The following ZNF221 variants were observed in gnomAD, a reference collection of about 807,000 sequenced individuals.
ZNF221 encodes the protein zinc finger protein 221.
In ZNF221, 10 loss-of-function variants were observed where a neutral mutation model predicts 12.6. The ratio of observed to expected loss-of-function variants is 0.79; its 90% CI spans 0.49 to 1.34. ZNF221 has a LOEUF of 1.34. Among genes scored for constraint, ZNF221 ranks in the 40% most tolerant of loss-of-function variants. ZNF221 has a pLI of 0.00. For missense variants in ZNF221, 661 were observed against 721.4 expected (o/e 0.92, Z 0.96); for synonymous variants, 232 against 244.0 (o/e 0.95, Z 0.46).
Position 43,967,340 on chromosome 19 carries a change from G to A in ZNF221, c.1838G>A (p.Gly613Glu). 1.2e-6 allele frequency: 2 copies of A among 1,611,034 alleles called. No homozygotes were observed. The highest frequency in any genetic ancestry group is 1.7e-6 in the Non-Finnish European group (2 of 1,178,600). ...TASFTSVSLC[G>E]RKAI Reference sequence around the variant, plus strand: ...TCATTTACATCAGTAAGTCTATGTGGGAGAAAAGCCATATAAATGTGAGAA... The same window carrying A: ...TCATTTACATCAGTAAGTCTATGTGAGAGAAAAGCCATATAAATGTGAGAA... Residue 613 changes from glycine to glutamate, a missense_variant, in exon 5 of 5, where the codon GGG becomes GAG. Physicochemically the swap from Gly to Glu is moderately conservative, Grantham distance 98. Transcript: ENST00000587682.
At chr19:43,979,020 A>G in the ZNF221 span, among the ~76,000 whole-genome samples, 1 of 151,592 alleles carries the variant, frequency 6.6e-6, no homozygotes. Context: ...TATAGTAAAA[A>G]TACACTCATT....
At chr19:43,959,587 G>A (rs429611) in intron 1 of ZNF221, among the ~76,000 whole-genome samples, 53,439 of 151,902 alleles carry the variant, frequency 0.35, 9,581 homozygotes, top group Middle Eastern at 0.45. Flanking sequence ...GTGAGATCTG[G>A]TTGTTTAAAA....
At chr19:43,970,123 C>T (rs437058), downstream of ZNF221, among the ~76,000 whole-genome samples, 117,682 of 151,910 alleles carry the variant, frequency 0.77, 46,667 homozygotes, top group Middle Eastern at 0.89. Flanking sequence ...ACGGGAAAAA[C>T]GGAGGCAACT....
rs1423366617 is a variant in ZNF221 at position 43,965,891 on chromosome 19, CA to C, written c.391del (p.Ser131ValfsTer3). ...WSCQQIWEQI[A>X]SDLTRSQNSI... ...TGTCAGCAAATATGGGAACAAATTG[CA>C]AGTGACCTAACCAGGTCTCAAAACT... On this transcript the variant is annotated frameshift_variant, in exon 5 of 5. Transcript: ENST00000587682. LOFTEE classifies it low-confidence loss of function (END_TRUNC). 1 of 1,614,140 alleles carries C rather than the reference CA, an allele frequency of 6.2e-7. No homozygotes were observed. Among genetic ancestry groups the C allele is most frequent in the Non-Finnish European group, 8.5e-7 (1 of 1,179,996 alleles).
chr19:43,959,469 T>G (rs1209527358), intron 1 of ZNF221, among the ~76,000 whole-genome samples: 1 of 152,208 alleles, frequency 6.6e-6, no homozygotes. Flanking sequence ...ATCTCCAGTG[T>G]TGGAGGTGGG....
intron 1 of ZNF221, chr19:43,962,052 T>A (rs8099924): frequency 0.47 from 71,294 of 152,242 alleles, 17,049 homozygotes; most frequent in South Asian, 0.55. Context: ...CTGTAAAGAT[T>A]AGCTTCCACT....
intron 1 of ZNF221, among the ~76,000 whole-genome samples, chr19:43,953,944 T>C (rs1035324180): frequency 2.6e-5 from 4 of 152,010 alleles, no homozygotes; most frequent in African/African-American, 9.7e-5. Flanking sequence ...TAGCCAGGTA[T>C]GGTGGCACAT....
rs1974989925 is a variant in ZNF221, at chr19:43,967,193, G to A, written c.1691G>A (p.Cys564Tyr). The A allele has an allele frequency of 2.5e-6, 4 of 1,594,300 alleles. No homozygotes were observed. Among genetic ancestry groups the A allele is most frequent in the Non-Finnish European group, 3.4e-6 (4 of 1,167,582 alleles). The change falls in exon 5 of 5, where the codon TGT becomes TAT. Residue 564 changes from cysteine to tyrosine, a missense_variant. Cys to Tyr is a radical substitution (Grantham distance 194, BLOSUM62 -2). Coordinates refer to ENST00000587682, the MANE Select transcript of ZNF221 (RefSeq NM_001297588.2). ...RVHGGERPYN[C>Y]KECGKSFGWA... ...CACGGGGGAGAGCGACCCTATAATTGTAAGGAATGTGGAAAGAGCTTTGGC... is the reference window on the plus strand; with the variant it reads ...CACGGGGGAGAGCGACCCTATAATTATAAGGAATGTGGAAAGAGCTTTGGC...
chr19:43,962,228 C>A lies in ZNF221; in HGVS notation c.-2-497C>A, dbSNP rs193061895. ...CATTTCAGTCGTACGATTTAATAATCTTCAGGAACTTTGAACAGTGGTGTG... is the reference window on the plus strand; with the variant it reads ...CATTTCAGTCGTACGATTTAATAATATTCAGGAACTTTGAACAGTGGTGTG... On this transcript the variant is annotated intron_variant, in intron 1 of 4. Coordinates refer to ENST00000587682, the MANE Select transcript of ZNF221 (RefSeq NM_001297588.2). Among the ~76,000 whole-genome samples the A allele has an allele frequency of 2.0e-3, 300 of 152,228 alleles. 4 individuals are homozygous for A. The highest frequency in any genetic ancestry group is 7.0e-3 in the African/African-American group (292 of 41,510).
rs767782457 is a variant in ZNF221, at chr19:43,966,248, C to A, written c.746C>A (p.Thr249Asn). ...SHLQTHQRVH[T>N]GEKPFKCGQC... ...CTGCAAACTCATCAGAGAGTCCATACTGGAGAGAAACCATTCAAATGTGGG... is the reference window on the plus strand; with the variant it reads ...CTGCAAACTCATCAGAGAGTCCATAATGGAGAGAAACCATTCAAATGTGGG... Residue 249 changes from threonine (T) to asparagine (N), a missense_variant, in exon 5 of 5, where the codon ACT becomes AAT. By Grantham distance (65) the Thr-to-Asn change is moderately conservative. Coordinates refer to ENST00000587682, the MANE Select transcript of ZNF221 (RefSeq NM_001297588.2). 1 of 1,614,098 alleles carries A rather than the reference C, an allele frequency of 6.2e-7. No individual in the cohort carries two copies. Among genetic ancestry groups the A allele is most frequent in the Non-Finnish European group, 8.5e-7 (1 of 1,180,044 alleles).
chr19:43,972,167 T>C (rs560859915), downstream of ZNF221, among the ~76,000 whole-genome samples: 12 of 152,308 alleles, frequency 7.9e-5, no homozygotes, highest in East Asian at 2.3e-3. Flanking sequence ...AATAACCTGC[T>C]TGTGAATGAC....
downstream of ZNF221, among the ~76,000 whole-genome samples, chr19:43,971,266 A>G (rs1353942675): frequency 1.3e-5 from 2 of 152,160 alleles, no homozygotes; most frequent in African/African-American, 4.8e-5. Flanking sequence ...AGCACTAAAT[A>G]TGGAAAGAAA....
Position 43,965,854 on chromosome 19 carries a change from G to A in ZNF221, c.352G>A (p.Glu118Lys). The change falls in exon 5 of 5, where the codon GAA (glutamate) becomes AAA (lysine). Residue 118 changes from glutamate (E) to lysine (K), a missense_variant. Glu to Lys is a moderately conservative substitution (Grantham distance 56, BLOSUM62 1). Transcript: ENST00000587682. ...METVPEAGPH[E>K]EWSCQQIWEQ... ...GACTGTTCCAGAAGCAGGACCACAT[G>A]AAGAGTGGTCCTGTCAGCAAATATG... The A allele has an allele frequency of 6.2e-7, 1 of 1,613,180 alleles. No individual in the cohort carries two copies. Among genetic ancestry groups the A allele is most frequent in the Admixed American group, 1.7e-5 (1 of 59,958 alleles).
Position 43,965,144 on chromosome 19 carries a change from T to A in ZNF221, c.208+68T>A, listed in dbSNP as rs1974916107. 10 of 1,602,854 alleles carry A rather than the reference T, an allele frequency of 6.2e-6. No individual in the cohort carries two copies. In the East Asian group the frequency reaches 2.2e-4, roughly 36 times the overall value. ...AATGGCTTTGTATTCCAAGTTTGAG[T>A]ATGCATTGGGAACCTAAATTTCCAG... On this transcript the variant is annotated intron_variant, in intron 3 of 4. Coordinates refer to ENST00000587682, the MANE Select transcript of ZNF221 (RefSeq NM_001297588.2).
At chr19:43,953,778 A>C (rs747819696) in intron 1 of ZNF221, among the ~76,000 whole-genome samples, 24 of 152,182 alleles carry the variant, frequency 1.6e-4, no homozygotes, top group Non-Finnish European at 2.6e-4. Flanking sequence ...AGATCCTCTT[A>C]CATAAAAAGG....
Position 43,966,965 on chromosome 19 carries a change from G to T in ZNF221, c.1463G>T (p.Gly488Val), listed in dbSNP as rs770488768. ...TGTAAGGAATGTGGCAAGAGCTTTG[G>T]CTGGGCCTCCTGTCTTTTGAAACAT... Reference protein sequence around the residue: ...YNCKECGKSFGWASCLLKHQR... With the variant: ...YNCKECGKSFVWASCLLKHQR... The change falls in exon 5 of 5, where the codon GGC becomes GTC. Residue 488 changes from glycine (G) to valine (V), a missense_variant. Transcript: ENST00000587682. 6.2e-7 allele frequency: 1 copy of T among 1,614,162 alleles called. No individual in the cohort carries two copies. Among genetic ancestry groups the T allele is most frequent in the South Asian group, 1.1e-5 (1 of 91,076 alleles).
At chr19:43,952,017 G>T (rs1470059491) in intron 1 of ZNF221, among the ~76,000 whole-genome samples, 1 of 151,328 alleles carries the variant, frequency 6.6e-6, no homozygotes, top group African/African-American at 2.4e-5. Flanking sequence ...GGGACTACAG[G>T]CGCCCGCTAC....
At position 43,965,112 on chromosome 19, in the gene ZNF221, C is replaced by T. The variant is rs201754000; in HGVS notation, c.208+36C>T. ...GCACCCTCTGTAACAGAATGTTAGG[C>T]CCCAGGAATGGCTTTGTATTCCAAG... On this transcript the variant is annotated intron_variant, in intron 3 of 4. Coordinates refer to ENST00000587682, the MANE Select transcript of ZNF221 (RefSeq NM_001297588.2). 3.9e-4 allele frequency: 633 copies of T among 1,608,572 alleles called. 1 individual carries two copies. Among genetic ancestry groups the T allele is most frequent in the Non-Finnish European group, 4.9e-4 (579 of 1,176,794 alleles).
rs917622771 is a variant in ZNF221, at chr19:43,967,612, G to A, written c.*256G>A. On this transcript the variant is annotated 3_prime_UTR_variant, in exon 5 of 5. Coordinates refer to ENST00000587682, the MANE Select transcript of ZNF221 (RefSeq NM_001297588.2). ...TCCTGCCTCAGCCTCCCGAGTAGCT[G>A]GGACTACAGGTGCCCGCCACCACAC... The A allele has an allele frequency of 2.4e-5, 9 of 378,424 alleles. No homozygotes were observed. Among genetic ancestry groups the A allele is most frequent in the Non-Finnish European group, 4.3e-5 (9 of 210,978 alleles). 23.4% of individuals were successfully genotyped at this position (378,424 alleles called of 1,614,324 possible). A position where few individuals can be genotyped will look rare whatever the true frequency, so the allele number is the denominator to read the frequency against.
Sources: gnomAD v4.1 joint callset for allele counts (sites outside exome capture counted in the v4.1 genomes callset) on GRCh38, gnomAD v4.1.1 for gene constraint, MANE v1.5 for transcripts, NCBI Gene and HGNC (gene_info 2026-07-23, HGNC 2026-07-21) for gene names.